GLRA3: variants seen among roughly 807,000 people sequenced by gnomAD.
GLRA3 encodes glycine receptor subunit alpha-3.
GLRA3 carries 44 observed loss-of-function variants against 60.4 expected under a neutral mutation model. That is an observed-to-expected ratio of 0.73 (90% CI 0.57 to 0.94). The LOEUF is 0.94. GLRA3 is among the 40% of genes least tolerant of loss of function. The pLI is 0.00. For synonymous variants in GLRA3, 223 were observed against 192.9 expected, an observed-to-expected ratio of 1.16 and a Z score of -1.29; for missense variants, 508 against 564.6, an observed-to-expected ratio of 0.90 and a Z score of 1.02.
At chr4:174,692,257 C>T (rs13132815) in intron 5 of GLRA3, among the ~76,000 whole-genome samples, 20,863 of 139,744 alleles carry the variant, frequency 0.15, 2,139 homozygotes, top group East Asian at 0.37. Context: ...GCCCCATCCG[C>T]GAGGGAGGTG....
intron 4 of GLRA3, among the ~76,000 whole-genome samples, chr4:174,717,118 G>A (rs1579497561): frequency 6.6e-6 from 1 of 150,768 alleles, no homozygotes. Context: ...AAGCTGAGGT[G>A]AGAGTATGGC....
intron 5 of GLRA3, among the ~76,000 whole-genome samples, chr4:174,697,500 T>C (rs988506881): frequency 1.3e-5 from 2 of 152,226 alleles, no homozygotes; most frequent in African/African-American, 4.8e-5. Flanking sequence ...TTTTTATTTA[T>C]AATTTGTGCA....
At chr4:174,791,777 A>G (rs2111313702) in intron 1 of GLRA3, among the ~76,000 whole-genome samples, 1 of 152,244 alleles carries the variant, frequency 6.6e-6, no homozygotes, top group Middle Eastern at 3.4e-3. Context: ...TGTAACTTTT[A>G]TTGAAAACTG....
At chr4:174,774,828 T>C (rs1240117583) in intron 2 of GLRA3, among the ~76,000 whole-genome samples, 1 of 152,176 alleles carries the variant, frequency 6.6e-6, no homozygotes, top group Non-Finnish European at 1.5e-5. Context: ...GGTAGCAATC[T>C]ATTCAACTAC....
chr4:174,689,871 A>G (rs1734724909), intron 5 of GLRA3, among the ~76,000 whole-genome samples: 1 of 151,806 alleles, frequency 6.6e-6, no homozygotes, highest in Admixed American at 6.6e-5. Context: ...ATGGAGAAAA[A>G]TTTGCCAAGC....
chr4:174,668,807 A>G (rs985135019), intron 7 of GLRA3, among the ~76,000 whole-genome samples: 1 of 152,190 alleles, frequency 6.6e-6, no homozygotes, highest in African/African-American at 2.4e-5. Context: ...TCTTTTCTCA[A>G]TCCAAACTTG....
chr4:174,719,192 T>A (rs1736046969), intron 4 of GLRA3, among the ~76,000 whole-genome samples: 1 of 151,738 alleles, frequency 6.6e-6, no homozygotes, highest in South Asian at 2.1e-4. Flanking sequence ...CTCGATCTCC[T>A]GACCTCGTGA....
In GLRA3 at chr4:174,810,905, C is replaced by T. The variant is rs564409093; in HGVS notation, c.71+17836G>A. Among the ~76,000 whole-genome samples the T allele has an allele frequency of 6.6e-5, 10 of 152,238 alleles. No homozygotes were observed. In the South Asian group the frequency reaches 2.1e-3, roughly 32 times the overall value. ...TAGCAGTTGATTTCTTAAAATAAAT[C>T]TCAAGCTATAAAATGTTTCTCATAG... is the stretch of plus-strand genomic sequence containing the variant. On this transcript the variant is annotated intron_variant, in intron 1 of 9. Coordinates refer to ENST00000274093, the MANE Select transcript of GLRA3 (RefSeq NM_006529.4).
intron 1 of GLRA3, among the ~76,000 whole-genome samples, chr4:174,792,436 C>T (rs922161842): frequency 1.3e-5 from 2 of 151,964 alleles, no homozygotes; most frequent in African/African-American, 4.8e-5. Context: ...ACATCAATTA[C>T]CTCTTGGTAA....
intron 5 of GLRA3, among the ~76,000 whole-genome samples, chr4:174,713,170 G>A (rs1277537397): frequency 6.6e-6 from 1 of 152,100 alleles, no homozygotes; most frequent in Admixed American, 6.5e-5. Context: ...AGAGCAGGAA[G>A]TGCTTAATGA....
chr4:174,717,943 A>G (rs1423892515), intron 4 of GLRA3, among the ~76,000 whole-genome samples: 2 of 152,188 alleles, frequency 1.3e-5, no homozygotes, highest in African/African-American at 2.4e-5. Flanking sequence ...AGTAAATAGC[A>G]TTCTCAGAAT....
At chr4:174,721,153 C>T (rs184139059) in intron 4 of GLRA3, among the ~76,000 whole-genome samples, 10 of 151,912 alleles carry the variant, frequency 6.6e-5, no homozygotes, top group African/African-American at 2.2e-4. Flanking sequence ...CTCAGCCTCC[C>T]GAGTAGCTGA....
chr4:174,709,940 T>C (rs1277411702), intron 5 of GLRA3, among the ~76,000 whole-genome samples: 2 of 151,564 alleles, frequency 1.3e-5, no homozygotes, highest in Non-Finnish European at 3.0e-5. Flanking sequence ...TATACCTAAA[T>C]ATTGAAGAAA....
intron 7 of GLRA3, among the ~76,000 whole-genome samples, chr4:174,661,100 G>A (rs1478262594): frequency 6.6e-6 from 1 of 151,950 alleles, no homozygotes; most frequent in Non-Finnish European, 1.5e-5. Context: ...CTGGGCACTG[G>A]GTGTATTCAC....
intron 1 of GLRA3, among the ~76,000 whole-genome samples, chr4:174,819,839 A>G (rs535378904): frequency 6.6e-6 from 1 of 152,334 alleles, no homozygotes; most frequent in East Asian, 1.9e-4. Flanking sequence ...CAGAAATTCA[A>G]GTATGATACC....
At chr4:174,655,889 A>G (rs1733177460) in intron 9 of GLRA3, among the ~76,000 whole-genome samples, 1 of 152,138 alleles carries the variant, frequency 6.6e-6, no homozygotes. Flanking sequence ...TATGAGGTTG[A>G]GATTACTGCA....
chr4:174,712,143 T>C (rs1416649806), intron 5 of GLRA3, among the ~76,000 whole-genome samples: 1 of 152,142 alleles, frequency 6.6e-6, no homozygotes. Flanking sequence ...GTATCATCCA[T>C]GGTTTCAATT....
chr4:174,666,048 A>G lies in GLRA3; in HGVS notation c.928-6851T>C, dbSNP rs148916533. ...ACCAAGTTGCAAAACTAGGATTTGAATATAACTCATATGGTTCCAGAGCTT... is the reference window on the plus strand; with the variant it reads ...ACCAAGTTGCAAAACTAGGATTTGAGTATAACTCATATGGTTCCAGAGCTT... On this transcript the variant is annotated intron_variant, in intron 7 of 9. Coordinates refer to ENST00000274093, the MANE Select transcript of GLRA3 (RefSeq NM_006529.4). Among the ~76,000 whole-genome samples, 151 of 152,262 alleles carry G rather than the reference A, an allele frequency of 9.9e-4. No individual in the cohort carries two copies. The Middle Eastern group carries it at 0.014, about 14-fold the overall frequency.
intron 6 of GLRA3, among the ~76,000 whole-genome samples, chr4:174,682,400 G>T (rs1734381550): frequency 1.3e-5 from 2 of 151,872 alleles, no homozygotes; most frequent in Middle Eastern, 6.8e-3. Context: ...GGAAAAATTA[G>T]GCAACAAAGC....
Sources: allele counts gnomAD v4.1 joint callset (sites outside exome capture counted in the v4.1 genomes callset), GRCh38; gene constraint gnomAD v4.1.1; transcripts MANE v1.5; gene names NCBI Gene and HGNC (gene_info 2026-07-23, HGNC 2026-07-21).